The following NRK variants were observed in gnomAD, a reference collection of about 807,000 sequenced individuals.
NRK encodes Nik related kinase.
NRK carries 67 observed loss-of-function variants against 125.2 expected under a neutral mutation model. That is an observed-to-expected ratio of 0.54 (90% CI 0.44 to 0.66). The LOEUF is 0.66. NRK is among the 30% of genes least tolerant of loss of function. NRK has a pLI of 0.00. For missense variants in NRK, 1,224 were observed against 1,192.9 expected, an observed-to-expected ratio of 1.03 and a Z score of -0.38; for synonymous variants, 458 against 429.0, an observed-to-expected ratio of 1.07 and a Z score of -0.84.
At chrX:105,896,609 G>C (rs941036598) in intron 7 of NRK, among the ~76,000 whole-genome samples, 1 of 110,980 alleles carries the variant, frequency 9.0e-6, no homozygotes, top group African/African-American at 3.3e-5. Context: ...GGAGGTCAAG[G>C]CATGAGGATC....
At chrX:105,941,555 A>AAGAGAGAGAGAGAGAGAGAG (rs771874766) in intron 23 of NRK, among the ~76,000 whole-genome samples, 2 of 85,277 alleles carry the variant, frequency 2.3e-5, no homozygotes, top group African/African-American at 9.3e-5. Context: ...GAGAGACAGA[A>AAGAGAGAGAGAGAGAGAGAG]AGAGAGAGAG....
At chrX:105,891,928 A>G (rs2040020679) in intron 5 of NRK, among the ~76,000 whole-genome samples, 1 of 111,315 alleles carries the variant, frequency 9.0e-6, no homozygotes, top group South Asian at 3.7e-4. Flanking sequence ...GGCATATACC[A>G]TTTGTCTTTT....
chrX:105,895,278 G>A, intron 6 of NRK, 155 bp from the exon 7 acceptor site: 2 of 541,921 alleles, frequency 3.7e-6, no homozygotes, highest in East Asian at 6.8e-5. Context: ...AGTGATTCCA[G>A]CCTAAAGAAA....
chrX:105,864,430 A>G (rs1023416049), intron 2 of NRK, among the ~76,000 whole-genome samples: 1 of 111,922 alleles, frequency 8.9e-6, no homozygotes, highest in African/African-American at 3.2e-5. Flanking sequence ...AAAAAAATTA[A>G]TGAACAAACT....
intron 2 of NRK, among the ~76,000 whole-genome samples, chrX:105,867,983 AAATTGCCAC>A (rs2039694054): frequency 1.8e-5 from 2 of 111,702 alleles, no homozygotes; most frequent in Non-Finnish European, 3.8e-5. Flanking sequence ...CTTACTGTGA[AAATTGCCAC>A]ATTGTCTCTT....
chrX:105,909,722 C>T lies in NRK; in HGVS notation c.2081C>T (p.Ala694Val), dbSNP rs1378709188. 3 of 1,181,631 alleles carry T rather than the reference C, an allele frequency of 2.5e-6. No homozygotes were observed. The highest frequency in any genetic ancestry group is 1.8e-5 in the African/African-American group (1 of 56,390). Reference sequence around the variant, plus strand: ...TCAAAAGTTTCTACTCTGAGGCAAGCACTGGCAAAAAGACTATCACCAAAG... The same window carrying T: ...TCAAAAGTTTCTACTCTGAGGCAAGTACTGGCAAAAAGACTATCACCAAAG... ...KKSKVSTLRQ[A>V]LAKRLSPKRF... Residue 694 changes from alanine (A) to valine (V), a missense_variant, in exon 13 of 29, where the codon GCA (alanine) becomes GTA (valine). Ala to Val is a moderately conservative substitution (Grantham distance 64). Transcript: ENST00000243300.
intron 17 of NRK, among the ~76,000 whole-genome samples, chrX:105,922,371 G>T (rs1360358644): frequency 9.0e-6 from 1 of 111,599 alleles, no homozygotes; most frequent in Non-Finnish European, 1.9e-5. Flanking sequence ...AGGGGTACAG[G>T]TTAGATGTCC....
At position 105,928,852 on chromosome X, in the gene NRK, T is replaced by C. The variant is rs2040557816; in HGVS notation, c.3312+3821T>C. Among the ~76,000 whole-genome samples, 2 of 112,100 alleles carry C rather than the reference T, an allele frequency of 1.8e-5. 1 individual carries two copies. The highest frequency in any genetic ancestry group is 6.4e-5 in the African/African-American group (2 of 31,008). On this transcript the variant is annotated intron_variant, in intron 19 of 28. Coordinates refer to ENST00000243300, the MANE Select transcript of NRK (RefSeq NM_198465.4). ...TATTTTGGTCATAAAGGATACTCAATAATAATGTTGATTTAGAAAAATGTT... is the reference window on the plus strand; with the variant it reads ...TATTTTGGTCATAAAGGATACTCAACAATAATGTTGATTTAGAAAAATGTT...
intron 2 of NRK, among the ~76,000 whole-genome samples, chrX:105,835,195 TAAG>T (rs1217855984): frequency 8.9e-6 from 1 of 111,947 alleles, no homozygotes; most frequent in Non-Finnish European, 1.9e-5. Flanking sequence ...CTCAATCTAA[TAAG>T]AAGATAAACT....
intron 2 of NRK, among the ~76,000 whole-genome samples, chrX:105,859,483 T>G (rs1270448126): frequency 8.9e-6 from 1 of 111,808 alleles, no homozygotes; most frequent in African/African-American, 3.2e-5. Flanking sequence ...TGCCAATGAC[T>G]TGCCAAATTA....
intron 5 of NRK, among the ~76,000 whole-genome samples, 191 bp from the exon 6 acceptor site, chrX:105,893,641 T>C (rs2040042474): frequency 8.9e-6 from 1 of 112,082 alleles, no homozygotes; most frequent in Non-Finnish European, 1.9e-5. Flanking sequence ...CCTCCACAAA[T>C]CTTTGGTTTT....
At chrX:105,827,115 G>C (rs2039125312) in intron 1 of NRK, among the ~76,000 whole-genome samples, 1 of 111,735 alleles carries the variant, frequency 8.9e-6, no homozygotes, top group Admixed American at 9.5e-5. Context: ...GCTGGATGAA[G>C]AGATTTCCCC....
intron 19 of NRK, among the ~76,000 whole-genome samples, chrX:105,926,988 T>G (rs2147774443): frequency 9.0e-6 from 1 of 111,333 alleles, no homozygotes. Flanking sequence ...CCATGCAAAT[T>G]TTAGGATTTT....
At chrX:105,920,666 C>T (rs181752027) in intron 16 of NRK, among the ~76,000 whole-genome samples, 1,636 of 109,462 alleles carry the variant, frequency 0.015, 36 homozygotes, top group African/African-American at 0.051. Flanking sequence ...AAAAAGTGGG[C>T]GAAGGACATG....
chrX:105,879,580 T>G (rs1284420339), intron 2 of NRK, among the ~76,000 whole-genome samples: 1 of 111,084 alleles, frequency 9.0e-6, no homozygotes, highest in Non-Finnish European at 1.9e-5. Context: ...ACTTATTCCT[T>G]TTATAAATAT....
At chrX:105,898,945 AG>A (rs1257583828) in intron 8 of NRK, among the ~76,000 whole-genome samples, 105 of 111,769 alleles carry the variant, frequency 9.4e-4, no homozygotes, top group Non-Finnish European at 5.8e-4. Context: ...CCTGCATTTG[AG>A]GCAGAATGTG....
intron 3 of NRK, among the ~76,000 whole-genome samples, chrX:105,881,154 A>T (rs1236460079): frequency 1.9e-5 from 2 of 106,349 alleles, no homozygotes; most frequent in East Asian, 3.1e-4. Flanking sequence ...TAGCTGAATT[A>T]AAAAAAAAAG....
chrX:105,831,686 G>A (rs1005754146), intron 2 of NRK, among the ~76,000 whole-genome samples: 3 of 111,602 alleles, frequency 2.7e-5, no homozygotes, highest in Admixed American at 9.6e-5. Context: ...CTCTTTTGGG[G>A]CTTATGGTTG....
At chrX:105,891,910 T>G (rs2040020282) in intron 5 of NRK, among the ~76,000 whole-genome samples, 1 of 111,655 alleles carries the variant, frequency 9.0e-6, no homozygotes, top group Admixed American at 9.6e-5. Flanking sequence ...TACTGAGGAA[T>G]TTTTTTTGGC....
Sources: gnomAD v4.1 joint callset for allele counts (sites outside exome capture counted in the v4.1 genomes callset) on GRCh38, gnomAD v4.1.1 for gene constraint, MANE v1.5 for transcripts, NCBI Gene and HGNC (gene_info 2026-07-23, HGNC 2026-07-21) for gene names.